The following MAP3K15 variants were observed in gnomAD, a reference collection of about 807,000 sequenced individuals.
The protein encoded by MAP3K15 is MAPK/ERK kinase kinase 15.
In MAP3K15, 124 loss-of-function variants were observed where a neutral mutation model predicts 99.5. The observed-to-expected ratio is 1.25, with a 90% CI of 1.08 to 1.45. MAP3K15 has a LOEUF of 1.45. Ranked by LOEUF, MAP3K15 falls within the 40% of genes most tolerant of loss-of-function variation. The probability of loss-of-function intolerance (pLI) is 0.00; values close to 1 mark genes in which losing one functional copy is unlikely to be tolerated. For synonymous variants in MAP3K15, 494 were observed against 439.6 expected, an observed-to-expected ratio of 1.12 and a Z score of -1.55; for missense variants, 1,242 against 1,079.7, an observed-to-expected ratio of 1.15 and a Z score of -2.11.
intron 6 of MAP3K15, among the ~76,000 whole-genome samples, chrX:19,443,068 T>A (rs1315510115): frequency 1.3e-5 from 1 of 76,696 alleles, no homozygotes; most frequent in Non-Finnish European, 2.4e-5. Flanking sequence ...AGTCTCGCTC[T>A]GTCGCCCAGA....
chrX:19,512,321 A>G (rs988687566), intron 1 of MAP3K15, among the ~76,000 whole-genome samples: 3 of 111,904 alleles, frequency 2.7e-5, no homozygotes, highest in Admixed American at 9.5e-5. Context: ...CCCAGAACTT[A>G]AAGTTAAAAA....
At chrX:19,506,515 A>G (rs767720974) in intron 1 of MAP3K15, among the ~76,000 whole-genome samples, 82 of 111,784 alleles carry the variant, frequency 7.3e-4, no homozygotes, top group African/African-American at 2.5e-3. Flanking sequence ...CCCTAGTCTT[A>G]GTTTTTATTT....
intron 25 of MAP3K15, among the ~76,000 whole-genome samples, chrX:19,363,650 G>GT (rs1569197843): frequency 1.0e-5 from 1 of 96,337 alleles, no homozygotes; most frequent in African/African-American, 5.2e-5. Context: ...TTCTTATTTT[G>GT]TTTTTGTTTT....
At position 19,373,627 on chromosome X, in the gene MAP3K15, G is replaced by A. The variant is rs2063395588; in HGVS notation, c.2842C>T (p.His948Tyr). Residue 948 changes from histidine to tyrosine, a missense_variant, in exon 21 of 29, where the codon CAC becomes TAC. Physicochemically the swap from His to Tyr is moderately conservative, Grantham distance 83. Transcript: ENST00000338883. ...TCGGAGTCTGGGGAGACAGAGCCGT[G>A]CTCGCTGCTGCTGGTGGCCATGGGC... The part of the protein sequence containing the change: ...GEPMATSSSE[H>Y]GSVSPDSDAQ... 36 of 1,197,285 alleles carry A rather than the reference G, an allele frequency of 3.0e-5. No individual in the cohort carries two copies. The highest frequency in any genetic ancestry group is 3.9e-5 in the Non-Finnish European group (35 of 890,289).
chrX:19,426,566 G>C (rs919179553), intron 7 of MAP3K15, among the ~76,000 whole-genome samples: 5 of 110,790 alleles, frequency 4.5e-5, no homozygotes, highest in Non-Finnish European at 9.4e-5. Flanking sequence ...TGTAATCCCA[G>C]CACTTTGGGA....
chrX:19,460,797 C>T (rs1214859558), intron 4 of MAP3K15, among the ~76,000 whole-genome samples: 1 of 106,712 alleles, frequency 9.4e-6, no homozygotes, highest in African/African-American at 3.4e-5. Flanking sequence ...TTTTTTGAGA[C>T]GGAGTCTCCC....
intron 25 of MAP3K15, among the ~76,000 whole-genome samples, chrX:19,368,213 G>C (rs768230364): frequency 9.0e-6 from 1 of 111,695 alleles, no homozygotes; most frequent in African/African-American, 3.3e-5. Flanking sequence ...CACGATCTCA[G>C]CTCACTGCAA....
chrX:19,492,142 T>C (rs1602349661), intron 1 of MAP3K15, among the ~76,000 whole-genome samples: 1 of 110,089 alleles, frequency 9.1e-6, no homozygotes, highest in East Asian at 2.8e-4. Context: ...AACTTTTTAT[T>C]ATGCAGAACT....
intron 18 of MAP3K15, among the ~76,000 whole-genome samples, chrX:19,380,909 G>A (rs959751474): frequency 1.8e-5 from 2 of 112,310 alleles, no homozygotes; most frequent in African/African-American, 6.5e-5. Context: ...CCCATCAAAG[G>A]ACAAATGGCG....
At chrX:19,452,592 A>C (rs1011480938) in intron 6 of MAP3K15, among the ~76,000 whole-genome samples, 2 of 112,045 alleles carry the variant, frequency 1.8e-5, no homozygotes, top group Admixed American at 9.4e-5. Context: ...CTAAATGTCC[A>C]TCGACAGATG....
At chrX:19,498,597 G>A (rs2064421756) in intron 1 of MAP3K15, among the ~76,000 whole-genome samples, 1 of 112,065 alleles carries the variant, frequency 8.9e-6, no homozygotes, top group African/African-American at 3.2e-5. Context: ...TGCTCCGGAA[G>A]GCAGAAAGGC....
chrX:19,509,077 T>C (rs1252446787), intron 1 of MAP3K15, among the ~76,000 whole-genome samples: 1 of 111,099 alleles, frequency 9.0e-6, no homozygotes, highest in Non-Finnish European at 1.9e-5. Flanking sequence ...CTATATGTGC[T>C]AGTGACACAG....
At chrX:19,368,480 G>A (rs1208742744) in intron 25 of MAP3K15, among the ~76,000 whole-genome samples, 1 of 113,174 alleles carries the variant, frequency 8.8e-6, no homozygotes, top group East Asian at 2.8e-4. Flanking sequence ...GCCAGGAAGT[G>A]AACAAAACAG....
chrX:19,377,819 A>C (rs2063430483), intron 19 of MAP3K15, among the ~76,000 whole-genome samples: 1 of 112,283 alleles, frequency 8.9e-6, no homozygotes, highest in South Asian at 3.7e-4. Context: ...CACACGGTCA[A>C]AGTGCTGAGG....
intron 9 of MAP3K15, among the ~76,000 whole-genome samples, chrX:19,417,900 G>A (rs1195717231): frequency 8.9e-6 from 1 of 112,032 alleles, no homozygotes; most frequent in East Asian, 2.8e-4. Context: ...CCGCTGTTCT[G>A]CAGCCTCTGC....
In MAP3K15 at chrX:19,399,425, G is replaced by A. The variant is rs182158188; in HGVS notation, c.1933-1066C>T. 5.3e-3 allele frequency among the ~76,000 whole-genome samples: 587 copies of A among 111,621 alleles called. 1 individual carries two copies. The highest frequency in any genetic ancestry group is 0.018 in the African/African-American group (558 of 30,770). ...TAAAAATACAAAAAATTAGCCAGGCGTGGTGGCACGTGCCTGTGGTCCCAG... is the reference window on the plus strand; with the variant it reads ...TAAAAATACAAAAAATTAGCCAGGCATGGTGGCACGTGCCTGTGGTCCCAG... On this transcript the variant is annotated intron_variant, in intron 14 of 28. Transcript: ENST00000338883.
chrX:19,434,534 G>A (rs1437001720), intron 6 of MAP3K15, among the ~76,000 whole-genome samples: 3 of 110,701 alleles, frequency 2.7e-5, no homozygotes, highest in Non-Finnish European at 5.7e-5. Flanking sequence ...CACTGCGCCC[G>A]GCCACAATAG....
intron 6 of MAP3K15, among the ~76,000 whole-genome samples, chrX:19,454,846 G>A (rs192539662): frequency 4.0e-3 from 443 of 111,767 alleles, no homozygotes; most frequent in African/African-American, 0.014. Context: ...TTATACTTAC[G>A]AGTTAAGCAT....
At chrX:19,506,182 C>T (rs1045470705) in intron 1 of MAP3K15, among the ~76,000 whole-genome samples, 13 of 112,111 alleles carry the variant, frequency 1.2e-4, no homozygotes, top group African/African-American at 4.2e-4. Context: ...GATCCACCCA[C>T]CTTGGCCTCC....
Sources: allele counts gnomAD v4.1 joint callset (sites outside exome capture counted in the v4.1 genomes callset), GRCh38; gene constraint gnomAD v4.1.1; transcripts MANE v1.5; gene names NCBI Gene and HGNC (gene_info 2026-07-23, HGNC 2026-07-21).